Variants in HECW1 observed in about 807,000 individuals in gnomAD.
The protein encoded by HECW1 is E3 ubiquitin-protein ligase HECW1.
A neutral mutation model predicts 182.3 loss-of-function variants in HECW1; 61 were observed. The ratio of observed to expected loss-of-function variants is 0.33; its 90% CI spans 0.27 to 0.41. The LOEUF is 0.41. Ranked by LOEUF, HECW1 falls within the 10% of genes least tolerant of loss-of-function variation. The pLI is 1.00. For missense variants in HECW1, 1,739 were observed against 2,108.9 expected (o/e 0.82, Z 3.44); for synonymous variants, 859 against 832.6 (o/e 1.03, Z -0.55).
chr7:43,307,396 T>C (rs1807710973), intron 3 of HECW1, among the ~76,000 whole-genome samples: 1 of 152,210 alleles, frequency 6.6e-6, no homozygotes, highest in African/African-American at 2.4e-5. Flanking sequence ...AATTTAGTGA[T>C]ATCCGTTGAT....
At chr7:43,382,424 C>T (rs2074594911) in intron 6 of HECW1, among the ~76,000 whole-genome samples, 1 of 152,230 alleles carries the variant, frequency 6.6e-6, no homozygotes, top group South Asian at 2.1e-4. Flanking sequence ...TTAATTAGTA[C>T]TGTTTTGTGA....
At chr7:43,166,633 A>G (rs1323091711) in intron 2 of HECW1, among the ~76,000 whole-genome samples, 2 of 152,248 alleles carry the variant, frequency 1.3e-5, no homozygotes, top group Admixed American at 1.3e-4. Context: ...TACAGTATAC[A>G]TTATCCTTCA....
chr7:43,507,183 C>T lies in HECW1; in HGVS notation c.3678C>T (p.Asp1226=), dbSNP rs748692656. 2 of 1,614,078 alleles carry T rather than the reference C, an allele frequency of 1.2e-6. No individual in the cohort carries two copies. Among genetic ancestry groups the T allele is most frequent in the African/African-American group, 1.3e-5 (1 of 75,052 alleles). The part of the protein sequence containing the change: ...SARAPSPYRR[D]FEAKLRNFYR... ...GAGCCCCTTCCCCCTACCGAAGAGACTTTGAGGCCAAGCTCCGCAATTTCT... is the reference window on the plus strand; with the variant it reads ...GAGCCCCTTCCCCCTACCGAAGAGATTTTGAGGCCAAGCTCCGCAATTTCT... Residue 1226 remains aspartate, a synonymous_variant, in exon 22 of 30, where the codon GAC becomes GAT. Coordinates refer to ENST00000395891, the MANE Select transcript of HECW1 (RefSeq NM_015052.5).
intron 6 of HECW1, among the ~76,000 whole-genome samples, chr7:43,362,440 C>A (rs1395969361): frequency 6.6e-6 from 1 of 152,178 alleles, no homozygotes; most frequent in African/African-American, 2.4e-5. Flanking sequence ...GACGGCTTCG[C>A]TGTTTTTCCC....
chr7:43,313,238 A>G (rs1024903954), intron 4 of HECW1, among the ~76,000 whole-genome samples: 3 of 152,220 alleles, frequency 2.0e-5, no homozygotes, highest in African/African-American at 7.2e-5. Flanking sequence ...CTGGATTTCC[A>G]AAAGTTAAAA....
chr7:43,330,219 C>T (rs1297568381), intron 5 of HECW1, among the ~76,000 whole-genome samples: 1 of 152,164 alleles, frequency 6.6e-6, no homozygotes, highest in Non-Finnish European at 1.5e-5. Flanking sequence ...TGGAAGCTTC[C>T]ACTTCCTCCC....
At chr7:43,162,460 G>C (rs1583764268) in intron 2 of HECW1, among the ~76,000 whole-genome samples, 2 of 152,180 alleles carry the variant, frequency 1.3e-5, no homozygotes, top group African/African-American at 2.4e-5. Context: ...TCTTCTCTCT[G>C]TCTCTCCTCT....
chr7:43,392,590 C>T (rs1237996262), intron 6 of HECW1, among the ~76,000 whole-genome samples: 1 of 152,210 alleles, frequency 6.6e-6, no homozygotes, highest in Non-Finnish European at 1.5e-5. Context: ...TGCCCTTGGG[C>T]ATAGCTGCTT....
chr7:43,469,124 C>T lies in HECW1; in HGVS notation c.3099+19C>T, dbSNP rs967620309. On this transcript the variant is annotated intron_variant, in intron 16 of 29. Transcript: ENST00000395891. ...GGGAAAGGTGAGTGTGACCCACGTGCGGGGCTTTCATCAAACAGGCTCCTT... is the reference window on the plus strand; with the variant it reads ...GGGAAAGGTGAGTGTGACCCACGTGTGGGGCTTTCATCAAACAGGCTCCTT... The T allele has an allele frequency of 1.1e-5, 17 of 1,609,772 alleles. No homozygotes were observed. The highest frequency in any genetic ancestry group is 4.0e-5 in the African/African-American group (3 of 74,834).
intron 21 of HECW1, among the ~76,000 whole-genome samples, chr7:43,502,348 A>C (rs563982368): frequency 3.1e-4 from 47 of 152,320 alleles, no homozygotes; most frequent in African/African-American, 1.1e-3. Flanking sequence ...ACATATGTTG[A>C]ACTGTTTAGT....
rs1052639160 is a variant in HECW1 at position 43,564,796 on chromosome 7, G to A, written c.*2870G>A. On this transcript the variant is annotated 3_prime_UTR_variant, in exon 30 of 30. Transcript: ENST00000395891. ...ATGTATATGAAATGAAATAGCTATA[G>A]AACTAAATTTCACTTAGGTGGAGGT... 2 of 181,556 alleles carry A rather than the reference G, an allele frequency of 1.1e-5. No homozygotes were observed. Among genetic ancestry groups the A allele is most frequent in the Non-Finnish European group, 2.3e-5 (2 of 85,134 alleles). 11.2% of individuals were successfully genotyped at this position (181,556 alleles called of 1,614,324 possible).
At chr7:43,253,698 G>A (rs925163982) in intron 3 of HECW1, among the ~76,000 whole-genome samples, 4 of 152,110 alleles carry the variant, frequency 2.6e-5, no homozygotes, top group African/African-American at 9.7e-5. Context: ...CTGAGGTCAG[G>A]AGTTCAAGAC....
chr7:43,208,651 A>G (rs1795713416), intron 2 of HECW1, among the ~76,000 whole-genome samples: 1 of 152,212 alleles, frequency 6.6e-6, no homozygotes, highest in African/African-American at 2.4e-5. Context: ...TTTACTACCC[A>G]CACAGTGTGA....
chr7:43,369,774 C>A (rs1257695305), intron 6 of HECW1, among the ~76,000 whole-genome samples: 1 of 152,182 alleles, frequency 6.6e-6, no homozygotes, highest in Non-Finnish European at 1.5e-5. Context: ...CAAATGTTGA[C>A]TTCTCAGGGA....
At chr7:43,512,628 G>A (rs2079932746) in intron 24 of HECW1, among the ~76,000 whole-genome samples, 1 of 152,196 alleles carries the variant, frequency 6.6e-6, no homozygotes, top group South Asian at 2.1e-4. Flanking sequence ...TAGTGAAATA[G>A]TGAAAGGACT....
chr7:43,360,569 G>T (rs963878334), intron 5 of HECW1, among the ~76,000 whole-genome samples: 2 of 152,094 alleles, frequency 1.3e-5, no homozygotes, highest in African/African-American at 4.8e-5. Flanking sequence ...CAGGTGATAG[G>T]CATCCACCCA....
rs11352876 is a variant in HECW1 at position 43,563,867 on chromosome 7, TAA to T, written c.*1950_*1951del. On this transcript the variant is annotated 3_prime_UTR_variant, in exon 30 of 30. Coordinates refer to ENST00000395891, the MANE Select transcript of HECW1 (RefSeq NM_015052.5). ...CTGGATGATCAAGGGAGACACCATC[TAA>T]AAAAAAAATAAATAAAAATAAAAGC... The T allele has an allele frequency of 9.7e-5, 17 of 175,938 alleles. No homozygotes were observed. Among genetic ancestry groups the T allele is most frequent in the African/African-American group, 2.4e-4 (10 of 41,954 alleles). The allele number at this position is 175,938 out of a possible 1,614,324, so 10.9% of individuals were successfully genotyped here.
chr7:43,282,378 G>A lies in HECW1; in HGVS notation c.28-29385G>A, dbSNP rs114462235. 6.4e-3 allele frequency among the ~76,000 whole-genome samples: 972 copies of A among 152,344 alleles called. 14 individuals are homozygous for A. Among genetic ancestry groups the A allele is most frequent in the African/African-American group, 0.022 (929 of 41,578 alleles). On this transcript the variant is annotated intron_variant, in intron 3 of 29. Transcript: ENST00000395891. Reference sequence around the variant, plus strand: ...AACTTCCTTCCCTGTGATGCCATCCGGATGACAGGAGCTGGCGACAAGGGT... The same window carrying A: ...AACTTCCTTCCCTGTGATGCCATCCAGATGACAGGAGCTGGCGACAAGGGT...
chr7:43,550,543 G>A lies in HECW1; in HGVS notation c.4347G>A (p.Glu1449=), dbSNP rs1389072737. ...YIERMVKWRV[E]RGVVQQTEAL... ...AGCGCATGGTGAAGTGGCGGGTGGA[G>A]CGCGGCGTGGTACAGCAGACCGAGG... Residue 1449 remains glutamate, a synonymous_variant, in exon 27 of 30, where the codon GAG becomes GAA. Transcript: ENST00000395891. 4 of 1,611,460 alleles carry A rather than the reference G, an allele frequency of 2.5e-6. No individual in the cohort carries two copies. Among genetic ancestry groups the A allele is most frequent in the Non-Finnish European group, 3.4e-6 (4 of 1,178,982 alleles).
Sources: gnomAD v4.1 joint callset for allele counts (sites outside exome capture counted in the v4.1 genomes callset) on GRCh38, gnomAD v4.1.1 for gene constraint, MANE v1.5 for transcripts, NCBI Gene and HGNC (gene_info 2026-07-23, HGNC 2026-07-21) for gene names.